Variants in PKD1L3 observed in about 807,000 individuals in gnomAD.
PKD1L3 encodes polycystin 1 like 3, transient receptor potential channel interacting.
PKD1L3 carries 239 observed loss-of-function variants against 184.1 expected under a neutral mutation model. The observed-to-expected ratio is 1.30, with a 90% CI of 1.17 to 1.45. The LOEUF (loss-of-function observed/expected upper bound fraction) is 1.45, where lower values mean the gene tolerates loss of function less well. Among genes scored for constraint, PKD1L3 ranks in the 40% most tolerant of loss-of-function variants. PKD1L3 has a pLI of 0.00. For synonymous variants in PKD1L3, 996 were observed against 778.8 expected (o/e 1.28, Z -4.64); for missense variants, 2,660 against 2,067.2 (o/e 1.29, Z -5.56).
At chr16:71,951,781 T>C in intron 18 of PKD1L3, 37 bp from the exon 19 acceptor site, 2 of 1,521,336 alleles carry the variant, frequency 1.3e-6, no homozygotes, top group Non-Finnish European at 1.8e-6. Context: ...TCAGCCTGTT[T>C]TTCATTAACC....
Position 71,937,321 on chromosome 16 carries a change from G to T in PKD1L3, c.4423C>A (p.Leu1475Ile), listed in dbSNP as rs376148526. 1 of 1,551,434 alleles carries T rather than the reference G, an allele frequency of 6.4e-7. No homozygotes were observed. ...WSIISQVIYY[L>I]LVCYYAFIQG... ...ATGAAGGCATAGTAACAGACCAGTA[G>T]ATAATAGATGACTTGTGAGATGATA... The change falls in exon 25 of 30, where the codon CTA (leucine) becomes ATA (isoleucine). Residue 1475 changes from leucine to isoleucine, a missense_variant. Transcript: ENST00000620267.
chr16:71,935,264 G>A, intron 26 of PKD1L3, 94 bp downstream of exon 26: 1 of 1,289,874 alleles, frequency 7.8e-7, no homozygotes. Flanking sequence ...TGCAAATACA[G>A]ATCTGGTAGG....
At position 71,987,741 on chromosome 16, in the gene PKD1L3, C is replaced by T. The variant is rs187298117; in HGVS notation, c.586-1272G>A. ...GCTGGTCTTGAACTCCTAGCTTAAG[C>T]GATCCTCCTGCCTCGGAGTCCCAGA... is the stretch of plus-strand genomic sequence containing the variant. On this transcript the variant is annotated intron_variant, in intron 4 of 29. Transcript: ENST00000620267. Among the ~76,000 whole-genome samples the T allele has an allele frequency of 2.6e-5, 4 of 152,054 alleles. No homozygotes were observed. The East Asian group carries it at 5.8e-4, about 22-fold the overall frequency.
chr16:71,975,446 C>T (rs575717015), intron 11 of PKD1L3, among the ~76,000 whole-genome samples: 5 of 152,072 alleles, frequency 3.3e-5, no homozygotes, highest in Non-Finnish European at 4.4e-5. Context: ...CCAAGGCATA[C>T]TGAGATATCA....
At chr16:71,975,624 CCATA>C (rs377236064) in intron 11 of PKD1L3, among the ~76,000 whole-genome samples, 238 of 152,278 alleles carry the variant, frequency 1.6e-3, no homozygotes, top group African/African-American at 5.3e-3. Context: ...AAATCTTCAA[CCATA>C]CAAAGAATTT....
rs750001097 is a variant in PKD1L3, at chr16:71,986,369, A to T, written c.686T>A (p.Leu229His). 2.6e-6 allele frequency: 4 copies of T among 1,551,388 alleles called. No homozygotes were observed. Among genetic ancestry groups the T allele is most frequent in the Non-Finnish European group, 3.5e-6 (4 of 1,146,520 alleles). Residue 229 changes from leucine to histidine, a missense_variant, in exon 5 of 30, where the codon CTC (leucine) becomes CAC (histidine). Physicochemically the swap from Leu to His is moderately conservative, Grantham distance 99. Coordinates refer to ENST00000620267, the MANE Select transcript of PKD1L3 (RefSeq NM_181536.2). ...SAASEPSSQP[L>H]PVITQLTMPV... ...CATGGTGAGCTGTGTTATCACAGGG[A>T]GAGGCTGGCTGCTGGGTTCAGATGC... is the stretch of plus-strand genomic sequence containing the variant.
chr16:71,963,364 G>A lies in PKD1L3; in HGVS notation c.2466-13C>T. Reference sequence around the variant, plus strand: ...CTGGCTGACATACCTATAGTAAAATGAAGATAACCACATTAGGGAGATGGG... The same window carrying A: ...CTGGCTGACATACCTATAGTAAAATAAAGATAACCACATTAGGGAGATGGG... On this transcript the variant is annotated splice_polypyrimidine_tract_variant and intron_variant, in intron 15 of 29. Transcript: ENST00000620267. 5 of 1,542,178 alleles carry A rather than the reference G, an allele frequency of 3.2e-6. No homozygotes were observed. Among genetic ancestry groups the A allele is most frequent in the Non-Finnish European group, 4.4e-6 (5 of 1,141,682 alleles).
At chr16:71,977,558 C>CCT in intron 10 of PKD1L3, 91 bp from the exon 11 acceptor site, 2 of 628,036 alleles carry the variant, frequency 3.2e-6, no homozygotes, top group South Asian at 2.3e-5. Flanking sequence ...AACGTCCTAG[C>CCT]TCTTTTTTTT....
chr16:71,968,413 G>C (rs935773930), intron 13 of PKD1L3, among the ~76,000 whole-genome samples: 15 of 152,096 alleles, frequency 9.9e-5, no homozygotes, highest in Middle Eastern at 3.2e-3. Context: ...TAACTAGGTA[G>C]CCTGTATTTT....
In PKD1L3 at chr16:71,952,972, C is replaced by G. The variant is rs1597310785; in HGVS notation, c.2931G>C (p.Leu977=). The G allele has an allele frequency of 6.5e-7, 1 of 1,549,896 alleles. No homozygotes were observed. Among genetic ancestry groups the G allele is most frequent in the Non-Finnish European group, 8.7e-7 (1 of 1,146,362 alleles). ...LFPLIEPQET[L]PLFPPIQASC... ...AGGCCTGGATGGGAGGAAAGAGGGGCAGAGTCTCCTGTGGCTCAATCAACG... is the reference window on the plus strand; with the variant it reads ...AGGCCTGGATGGGAGGAAAGAGGGGGAGAGTCTCCTGTGGCTCAATCAACG... Residue 977 remains leucine (L), a synonymous_variant, in exon 18 of 30, where the codon CTG becomes CTC. Coordinates refer to ENST00000620267, the MANE Select transcript of PKD1L3 (RefSeq NM_181536.2).
At chr16:71,952,827 G>T in intron 18 of PKD1L3, 67 bp downstream of exon 18, 1 of 1,470,786 alleles carries the variant, frequency 6.8e-7, no homozygotes, top group South Asian at 1.3e-5. Context: ...AACAGAGCCA[G>T]ACCCTATGTC....
At chr16:71,998,670 C>G in intron 1 of PKD1L3, among the ~76,000 whole-genome samples, 1 of 152,048 alleles carries the variant, frequency 6.6e-6, no homozygotes, top group Non-Finnish European at 1.5e-5. Context: ...AGGCTGGTCT[C>G]GAACTCCTGA....
chr16:71,963,710 G>A (rs920689228), intron 15 of PKD1L3, among the ~76,000 whole-genome samples: 5 of 152,160 alleles, frequency 3.3e-5, no homozygotes, highest in Non-Finnish European at 7.3e-5. Flanking sequence ...TTGAGCCCGG[G>A]AGGTCAAGGC....
At chr16:71,933,830 T>G (rs2038077873) in intron 27 of PKD1L3, 85 bp downstream of exon 27, 49 of 1,440,046 alleles carry the variant, frequency 3.4e-5, no homozygotes, top group Non-Finnish European at 4.6e-5. Flanking sequence ...CTCGGGTTTC[T>G]GTGTTGTGAC....
chr16:71,935,133 A>G (rs915671994), intron 26 of PKD1L3, among the ~76,000 whole-genome samples: 1 of 152,254 alleles, frequency 6.6e-6, no homozygotes, highest in Non-Finnish European at 1.5e-5. Context: ...CCTTAAGCAC[A>G]TACCTAAGCA....
Position 72,000,042 on chromosome 16 carries a change from T to A in PKD1L3, c.-64A>T. 1.6e-6 allele frequency: 2 copies of A among 1,257,310 alleles called. No individual in the cohort carries two copies. The highest frequency in any genetic ancestry group is 2.1e-6 in the Non-Finnish European group (2 of 933,910). 77.9% of individuals were successfully genotyped at this position (1,257,310 alleles called of 1,614,324 possible). ...GCAGCTGCCTGGTCCTTTAAATATA[T>A]ATATTGGCGGGCTTGTCTTATTAGT... On this transcript the variant is annotated 5_prime_UTR_variant, in exon 1 of 30. Transcript: ENST00000620267.
In PKD1L3 at chr16:71,942,522, G is replaced by C. The variant is rs1232520501; in HGVS notation, c.4324+38C>G. 5 of 1,491,036 alleles carry C rather than the reference G, an allele frequency of 3.4e-6. No homozygotes were observed. In the Admixed American group the frequency reaches 1.0e-4, roughly 30 times the overall value. The allele number at this position is 1,491,036 out of a possible 1,614,324, so 92.4% of individuals were successfully genotyped here. A position where few individuals can be genotyped will look rare whatever the true frequency, so the allele number is the denominator to read the frequency against. The stretch of plus-strand genomic sequence containing the variant: ...TTGCACTTATTGAACAGCCTTCTTT[G>C]CTACGTGTGGTTGAATTCCAGGGGT... On this transcript the variant is annotated intron_variant, in intron 24 of 29. Coordinates refer to ENST00000620267, the MANE Select transcript of PKD1L3 (RefSeq NM_181536.2).
At chr16:71,961,162 C>T (rs2039263401) in intron 16 of PKD1L3, among the ~76,000 whole-genome samples, 1 of 151,876 alleles carries the variant, frequency 6.6e-6, no homozygotes, top group Non-Finnish European at 1.5e-5. Flanking sequence ...GTCTTCACTC[C>T]TTCGCACAGG....
chr16:71,975,843 C>T (rs897371974), intron 11 of PKD1L3, among the ~76,000 whole-genome samples: 8 of 152,140 alleles, frequency 5.3e-5, no homozygotes, highest in East Asian at 3.9e-4. Context: ...CTGGTGAAAT[C>T]GGAATAAAAT....
Sources: allele counts gnomAD v4.1 joint callset (sites outside exome capture counted in the v4.1 genomes callset), GRCh38; gene constraint gnomAD v4.1.1; transcripts MANE v1.5; gene names NCBI Gene and HGNC (gene_info 2026-07-23, HGNC 2026-07-21).